PKIB: variants seen among roughly 807,000 people sequenced by gnomAD.
PKIB encodes the protein cAMP-dependent protein kinase inhibitor beta, also known as PKI-beta.
In PKIB, 2 loss-of-function variants were observed where a neutral mutation model predicts 4.5. That is an observed-to-expected ratio of 0.44 (90% CI 0.18 to 1.39). The LOEUF is 1.39. Among genes scored for constraint, PKIB ranks in the 40% most tolerant of loss-of-function variants. PKIB has a pLI of 0.27. For synonymous variants in PKIB, 38 were observed against 36.0 expected (o/e 1.06, Z -0.20); for missense variants, 94 against 92.6 (o/e 1.02, Z -0.06).
At chr6:122,637,317 G>A (rs1194095414) in intron 2 of PKIB, among the ~76,000 whole-genome samples, 2 of 152,130 alleles carry the variant, frequency 1.3e-5, no homozygotes, top group East Asian at 3.8e-4. Flanking sequence ...AATAAATTCT[G>A]ACTAACATTC....
At chr6:122,639,248 GAAAAC>G (rs1301982905) in intron 2 of PKIB, among the ~76,000 whole-genome samples, 3 of 152,072 alleles carry the variant, frequency 2.0e-5, no homozygotes, top group Non-Finnish European at 4.4e-5. Context: ...GGGGAAAATG[GAAAAC>G]AAAACAAAAC....
chr6:122,552,140 G>C (rs1772691247), intron 2 of PKIB, among the ~76,000 whole-genome samples: 2 of 151,996 alleles, frequency 1.3e-5, no homozygotes, highest in Admixed American at 1.3e-4. Context: ...GTTAAGCTTT[G>C]TTACTAGGTG....
chr6:122,635,947 C>T (rs1213153950), intron 2 of PKIB, among the ~76,000 whole-genome samples: 1 of 152,088 alleles, frequency 6.6e-6, no homozygotes, highest in Non-Finnish European at 1.5e-5. Context: ...TAATTAATAT[C>T]ATTTAACAAA....
intron 2 of PKIB, among the ~76,000 whole-genome samples, chr6:122,525,470 T>C (rs1054495010): frequency 6.6e-6 from 1 of 152,176 alleles, no homozygotes; most frequent in East Asian, 1.9e-4. Context: ...GAATGTTCTG[T>C]ATATGTCTGT....
intron 1 of PKIB, among the ~76,000 whole-genome samples, chr6:122,473,805 A>G (rs1775376077): frequency 6.6e-6 from 1 of 152,230 alleles, no homozygotes; most frequent in African/African-American, 2.4e-5. Flanking sequence ...CAATGCCAAA[A>G]TTCAAATTAG....
chr6:122,663,922 A>G (rs1407421770), intron 2 of PKIB, among the ~76,000 whole-genome samples: 1 of 152,202 alleles, frequency 6.6e-6, no homozygotes, highest in African/African-American at 2.4e-5. Flanking sequence ...TCAGAGAAAT[A>G]TGGAGGTGGG....
chr6:122,496,077 C>T (rs1185641191), intron 2 of PKIB, among the ~76,000 whole-genome samples: 1 of 152,094 alleles, frequency 6.6e-6, no homozygotes, highest in African/African-American at 2.4e-5. Flanking sequence ...CTTCACTGTC[C>T]AGTCCTTCAC....
intron 3 of PKIB, among the ~76,000 whole-genome samples, chr6:122,695,993 T>A (rs1778555720): frequency 6.6e-6 from 1 of 152,218 alleles, no homozygotes; most frequent in Non-Finnish European, 1.5e-5. Context: ...TCTACCTGTG[T>A]ATGGCTGATA....
In PKIB at chr6:122,604,184, T is replaced by G. The variant is rs1774458407; in HGVS notation, c.-161+18177T>G. Among the ~76,000 whole-genome samples, 3 of 152,162 alleles carry G rather than the reference T, an allele frequency of 2.0e-5. No homozygotes were observed. In the South Asian group the frequency reaches 6.2e-4, roughly 32 times the overall value. On this transcript the variant is annotated intron_variant, in intron 3 of 6. Coordinates refer to the PKIB transcript ENST00000392491. The stretch of plus-strand genomic sequence containing the variant: ...AAATACCAATTTTGGAATAGAAGAA[T>G]CTCATGCTGACAGTGATAGTAGAGT...
intron 2 of PKIB, among the ~76,000 whole-genome samples, chr6:122,673,298 C>G (rs532537690): frequency 7.9e-5 from 12 of 152,166 alleles, no homozygotes; most frequent in African/African-American, 2.9e-4. Context: ...TTTATAGTTT[C>G]TACTAGATCT....
chr6:122,717,706 C>A lies in PKIB; in HGVS notation c.-8-81C>A, dbSNP rs1034386686. Reference sequence around the variant, plus strand: ...CTCTCAAGCCTGTTGTGTTTTTGATCTAGCCATGCCTTTCAACCACTGTGG... The same window carrying A: ...CTCTCAAGCCTGTTGTGTTTTTGATATAGCCATGCCTTTCAACCACTGTGG... On this transcript the variant is annotated intron_variant, in intron 3 of 4. Coordinates refer to ENST00000368452, the MANE Select transcript of PKIB (RefSeq NM_181795.3). 1.5e-6 allele frequency: 2 copies of A among 1,369,108 alleles called. 1 individual carries two copies. The highest frequency in any genetic ancestry group is 4.4e-4 in the Middle Eastern group (2 of 4,570). The allele number at this position is 1,369,108 out of a possible 1,614,324, so 84.8% of individuals were successfully genotyped here.
chr6:122,600,284 G>T (rs1774322856), intron 3 of PKIB, among the ~76,000 whole-genome samples: 1 of 152,104 alleles, frequency 6.6e-6, no homozygotes, highest in African/African-American at 2.4e-5. Flanking sequence ...TGATTAGATT[G>T]TGGCCACCAG....
intron 3 of PKIB, among the ~76,000 whole-genome samples, chr6:122,700,258 T>C (rs868328517): frequency 0.28 from 34,483 of 124,932 alleles, 4,731 homozygotes; most frequent in South Asian, 0.51. Flanking sequence ...TTTCTTTTTT[T>C]TTTTTTTTTT....
intron 2 of PKIB, among the ~76,000 whole-genome samples, chr6:122,658,021 T>C (rs999278044): frequency 1.3e-5 from 2 of 152,180 alleles, no homozygotes; most frequent in South Asian, 2.1e-4. Flanking sequence ...GATTAAGATA[T>C]ACACTAAAAT....
At chr6:122,482,988 G>GT (rs892058637) in intron 2 of PKIB, 7 of 151,160 alleles carry the variant, frequency 4.6e-5, no homozygotes, top group African/African-American at 1.7e-4. Flanking sequence ...TAGTGTTTGA[G>GT]TGAGGGGCTT....
chr6:122,573,884 C>T (rs1773449584), intron 2 of PKIB, among the ~76,000 whole-genome samples: 1 of 152,206 alleles, frequency 6.6e-6, no homozygotes, highest in African/African-American at 2.4e-5. Flanking sequence ...CACACTTTCA[C>T]CACTTCTGTG....
At chr6:122,669,455 A>G (rs1777362584) in intron 2 of PKIB, among the ~76,000 whole-genome samples, 1 of 152,126 alleles carries the variant, frequency 6.6e-6, no homozygotes, top group African/African-American at 2.4e-5. Context: ...ATGTAGGATA[A>G]TAACATTCTT....
chr6:122,568,626 C>A (rs1306742528), intron 2 of PKIB, among the ~76,000 whole-genome samples: 1 of 152,162 alleles, frequency 6.6e-6, no homozygotes, highest in African/African-American at 2.4e-5. Context: ...CAGGGGCCCT[C>A]AAAGAAGTCA....
chr6:122,722,767 G>A (rs1450793359), intron 4 of PKIB, among the ~76,000 whole-genome samples: 1 of 152,118 alleles, frequency 6.6e-6, no homozygotes, highest in African/African-American at 2.4e-5. Context: ...TTCTCCTCCA[G>A]CTACTGTCCT....
Sources: allele counts gnomAD v4.1 joint callset (sites outside exome capture counted in the v4.1 genomes callset), GRCh38; gene constraint gnomAD v4.1.1; transcripts MANE v1.5; gene names NCBI Gene and HGNC (gene_info 2026-07-23, HGNC 2026-07-21).